Variants in MAPK10 observed in about 807,000 individuals in gnomAD.
MAPK10 encodes the protein mitogen-activated protein kinase 10, also known as JNK3 alpha protein kinase.
Under a neutral mutation model 59.3 loss-of-function variants are expected in MAPK10, and 25 were observed. That is an observed-to-expected ratio of 0.42 (90% CI 0.31 to 0.59). The LOEUF is 0.59. MAPK10 is among the 20% of genes least tolerant of loss of function. The pLI, the probability that MAPK10 is intolerant of heterozygous loss-of-function variation, is 0.15. For synonymous variants in MAPK10, 190 were observed against 200.5 expected (o/e 0.95, Z 0.44); for missense variants, 351 against 568.9 (o/e 0.62, Z 3.90).
At chr4:86,058,906 A>G (rs3775184) in intron 11 of MAPK10, among the ~76,000 whole-genome samples, 34,464 of 151,908 alleles carry the variant, frequency 0.23, 4,126 homozygotes, top group South Asian at 0.26. Flanking sequence ...TTCTGATCCC[A>G]TCTAGCTCTA....
chr4:86,326,683 T>G (rs1402993585), intron 2 of MAPK10: 2 of 152,228 alleles, frequency 1.3e-5, no homozygotes, highest in East Asian at 3.8e-4. Context: ...ATATCTCTTT[T>G]CACTGTTGGG....
intron 2 of MAPK10, among the ~76,000 whole-genome samples, chr4:86,288,098 C>G (rs1335489996): frequency 6.6e-6 from 1 of 152,144 alleles, no homozygotes; most frequent in East Asian, 1.9e-4. Context: ...ATAGCACCAC[C>G]TCTCTGGACC....
At chr4:86,069,897 A>C (rs1435529543) in intron 9 of MAPK10, among the ~76,000 whole-genome samples, 1 of 124,114 alleles carries the variant, frequency 8.1e-6, no homozygotes, top group Non-Finnish European at 1.7e-5. Context: ...GATTTTAAAG[A>C]AGTACTCCCA....
chr4:86,311,035 TACACAC>T (rs143712904), intron 2 of MAPK10, among the ~76,000 whole-genome samples: 20 of 141,962 alleles, frequency 1.4e-4, no homozygotes, highest in South Asian at 4.7e-4. Flanking sequence ...AGTTTTAAGT[TACACAC>T]ACACACACAC....
intron 1 of MAPK10, among the ~76,000 whole-genome samples, chr4:86,472,973 A>G (rs963942639): frequency 6.6e-6 from 1 of 152,036 alleles, no homozygotes; most frequent in African/African-American, 2.4e-5. Flanking sequence ...GTGTACTTTC[A>G]TTTTCAATAG....
intron 2 of MAPK10, among the ~76,000 whole-genome samples, chr4:86,322,509 A>G (rs2095919897): frequency 1.3e-5 from 2 of 152,214 alleles, no homozygotes; most frequent in African/African-American, 4.8e-5. Context: ...CCTTCTGCTC[A>G]AGTCTGACCT....
chr4:86,192,347 A>G (rs2149311647), intron 3 of MAPK10: 1 of 152,190 alleles, frequency 6.6e-6, no homozygotes, highest in East Asian at 1.9e-4. Flanking sequence ...GTTCTCCTGG[A>G]TAATATCCTA....
chr4:86,394,665 G>A (rs1392068061), intron 1 of MAPK10, among the ~76,000 whole-genome samples: 1 of 152,178 alleles, frequency 6.6e-6, no homozygotes, highest in Non-Finnish European at 1.5e-5. Context: ...ATGACTCGTG[G>A]AAAGGGATGT....
chr4:86,104,207 T>C (rs1561741414), intron 5 of MAPK10, among the ~76,000 whole-genome samples: 1 of 152,092 alleles, frequency 6.6e-6, no homozygotes, highest in East Asian at 1.9e-4. Context: ...CTCAATTCTA[T>C]GGAATGTTTT....
chr4:86,507,443 A>C (rs1415773744), intron 1 of MAPK10, among the ~76,000 whole-genome samples: 1 of 151,002 alleles, frequency 6.6e-6, no homozygotes, highest in Non-Finnish European at 1.5e-5. Flanking sequence ...AAACAAAACT[A>C]AGCTTACCTT....
Position 86,039,960 on chromosome 4 carries a change from C to G in MAPK10, c.1111-8529G>C, listed in dbSNP as rs538933605. On this transcript the variant is annotated intron_variant, in intron 11 of 13. Coordinates refer to ENST00000641462, the MANE Select transcript of MAPK10 (RefSeq NM_138982.4). ...CCTGAGGACTCCAACAGCAGGCCTA[C>G]CCTTAGACGACACCAAATGGCATGC... Among the ~76,000 whole-genome samples the G allele has an allele frequency of 4.0e-4, 61 of 152,224 alleles. 1 individual carries two copies. In the South Asian group the frequency reaches 0.012, roughly 30 times the overall value.
chr4:86,101,246 A>G (rs1243673487), intron 7 of MAPK10, 29 bp from the exon 8 acceptor site: 1 of 1,573,508 alleles, frequency 6.4e-7, no homozygotes. Flanking sequence ...GAAAAAATTA[A>G]AAGCCAGTAT....
At chr4:86,507,110 A>G (rs1436901589) in intron 1 of MAPK10, among the ~76,000 whole-genome samples, 1 of 152,170 alleles carries the variant, frequency 6.6e-6, no homozygotes, top group Admixed American at 6.6e-5. Flanking sequence ...TGTATAACAA[A>G]TTATCATACT....
chr4:86,361,855 G>T (rs1192733299), upstream of MAPK10, among the ~76,000 whole-genome samples: 1 of 152,142 alleles, frequency 6.6e-6, no homozygotes, highest in Admixed American at 6.5e-5. Context: ...AAACTAGAAA[G>T]TAGAATGGTG....
Position 86,427,728 on chromosome 4 carries a change from T to G in MAPK10, c.-122+25302A>C, listed in dbSNP as rs528712080. ...CTATAAACAAATTTCTCATTTCATC[T>G]CTCTTCTTCAAATATGTTAAAATTT... On this transcript the variant is annotated intron_variant, in intron 1 of 13. Coordinates refer to the MAPK10 transcript ENST00000361569. Among the ~76,000 whole-genome samples the G allele has an allele frequency of 3.3e-5, 5 of 152,364 alleles. No individual in the cohort carries two copies. The East Asian group carries it at 9.6e-4, about 29-fold the overall frequency.
intron 2 of MAPK10, among the ~76,000 whole-genome samples, chr4:86,329,142 T>G (rs1256144135): frequency 6.6e-6 from 1 of 152,218 alleles, no homozygotes; most frequent in Non-Finnish European, 1.5e-5. Context: ...TTCTTGGACC[T>G]CTCCACCTCC....
intron 11 of MAPK10, among the ~76,000 whole-genome samples, chr4:86,059,196 TAATG>T (rs1362523477): frequency 7.9e-5 from 12 of 152,180 alleles, no homozygotes; most frequent in African/African-American, 2.9e-4. Context: ...CAGTAAGATA[TAATG>T]GCAGACAAGA....
chr4:86,173,502 T>C (rs2074910211), intron 3 of MAPK10, among the ~76,000 whole-genome samples: 1 of 151,622 alleles, frequency 6.6e-6, no homozygotes, highest in African/African-American at 2.4e-5. Context: ...ATAAGAAAAA[T>C]GTAAAACCCA....
At chr4:86,584,291 A>T (rs1167001625) in intron 1 of MAPK10, among the ~76,000 whole-genome samples, 1 of 152,190 alleles carries the variant, frequency 6.6e-6, no homozygotes. Context: ...CAGAGGGTAT[A>T]AGCAGCAGCA....
Sources: gnomAD v4.1 joint callset for allele counts (sites outside exome capture counted in the v4.1 genomes callset) on GRCh38, gnomAD v4.1.1 for gene constraint, MANE v1.5 for transcripts, NCBI Gene and HGNC (gene_info 2026-07-23, HGNC 2026-07-21) for gene names.